Variants in ECHDC1 observed in about 807,000 individuals in gnomAD.
ECHDC1 encodes ethylmalonyl-CoA decarboxylase 1, also known as ethylmalonyl-CoA decarboxylase.
ECHDC1 carries 29 observed loss-of-function variants against 29.7 expected under a neutral mutation model. The observed-to-expected ratio is 0.98, with a 90% confidence interval of 0.73 to 1.33. ECHDC1 has a LOEUF of 1.33. Ranked by LOEUF, ECHDC1 falls within the 40% of genes most tolerant of loss-of-function variation. The pLI, the probability that ECHDC1 is intolerant of heterozygous loss-of-function variation, is 0.00. For missense variants in ECHDC1, 328 were observed against 350.0 expected (o/e 0.94, Z 0.50); for synonymous variants, 126 against 123.1 (o/e 1.02, Z -0.15).
intron 5 of ECHDC1, among the ~76,000 whole-genome samples, chr6:127,310,276 G>A (rs902575246): frequency 2.0e-5 from 3 of 152,054 alleles, no homozygotes; most frequent in African/African-American, 4.8e-5. Flanking sequence ...GTAAATGCTT[G>A]AGGGGATGGA....
At chr6:127,327,445 G>A (rs1783453054) in intron 2 of ECHDC1, among the ~76,000 whole-genome samples, 1 of 152,064 alleles carries the variant, frequency 6.6e-6, no homozygotes, top group African/African-American at 2.4e-5. Context: ...CTAAGAATAA[G>A]AAAACGATAT....
chr6:127,309,454 GAAAAAA>G lies in ECHDC1; in HGVS notation c.497+5356_497+5361del, dbSNP rs1781702515. Among the ~76,000 whole-genome samples the G allele has an allele frequency of 4.1e-5, 3 of 73,530 alleles. No individual in the cohort carries two copies. In the South Asian group the frequency reaches 1.2e-3, roughly 29 times the overall value. The allele number at this position is 73,530 out of a possible 152,430, so 48.2% of individuals were successfully genotyped here. A position where few individuals can be genotyped will look rare whatever the true frequency, so the allele number is the denominator to read the frequency against. The stretch of plus-strand genomic sequence containing the variant: ...AAAATCAAATCAAAATAAAGAAAAA[GAAAAAA>G]CCCAGAAAACAAACAACAAAACACA... On this transcript the variant is annotated intron_variant, in intron 5 of 5. Coordinates refer to ENST00000454859, the MANE Select transcript of ECHDC1 (RefSeq NM_001002030.2).
intron 1 of ECHDC1, among the ~76,000 whole-genome samples, chr6:127,338,165 G>A (rs531473223): frequency 6.6e-6 from 1 of 152,174 alleles, no homozygotes; most frequent in South Asian, 2.1e-4. Context: ...CATATGTTAA[G>A]AGCATTTGGT....
At chr6:127,310,976 T>C (rs1489933486) in intron 5 of ECHDC1, among the ~76,000 whole-genome samples, 1 of 152,202 alleles carries the variant, frequency 6.6e-6, no homozygotes, top group Admixed American at 6.5e-5. Context: ...ATAAATTACC[T>C]TTTAATTAAG....
chr6:127,320,346 A>G (rs1297548797), intron 3 of ECHDC1, among the ~76,000 whole-genome samples: 1 of 152,172 alleles, frequency 6.6e-6, no homozygotes, highest in African/African-American at 2.4e-5. Context: ...AGGGTATGGT[A>G]CAATAGTAGT....
rs140639482 is a variant in ECHDC1, at chr6:127,323,487, C to T, written c.363+3515G>A. Among the ~76,000 whole-genome samples the T allele has an allele frequency of 7.5e-3, 1,136 of 152,180 alleles. 18 individuals carry two copies. The highest frequency in any genetic ancestry group is 0.055 in the South Asian group (266 of 4,826). On this transcript the variant is annotated intron_variant, in intron 3 of 5. Coordinates refer to ENST00000454859, the MANE Select transcript of ECHDC1 (RefSeq NM_001002030.2). ...AAATAATAGCTACCTTTTTCAGATACGGTGCTAGTAGGCACTTTATATATA... is the reference window on the plus strand; with the variant it reads ...AAATAATAGCTACCTTTTTCAGATATGGTGCTAGTAGGCACTTTATATATA...
At chr6:127,342,638 C>T in intron 1 of ECHDC1, 1 of 412,802 alleles carries the variant, frequency 2.4e-6, no homozygotes, top group Non-Finnish European at 4.4e-6. Context: ...ACCTCTAGCA[C>T]CTAGAGCAAC....
intron 3 of ECHDC1, among the ~76,000 whole-genome samples, chr6:127,320,858 C>T (rs1157265865): frequency 6.6e-6 from 1 of 151,410 alleles, no homozygotes; most frequent in East Asian, 1.9e-4. Flanking sequence ...CAAAGCATAC[C>T]AAGACGCGAT....
chr6:127,334,282 T>C (rs9372866), intron 1 of ECHDC1, among the ~76,000 whole-genome samples: 21,585 of 152,062 alleles, frequency 0.14, 2,988 homozygotes, highest in East Asian at 0.57. Flanking sequence ...CTATTCATTG[T>C]ATCATCAACC....
intron 5 of ECHDC1, chr6:127,313,549 AC>A (rs1392575153): frequency 1.5e-5 from 7 of 455,496 alleles, no homozygotes; most frequent in Non-Finnish European, 3.1e-5. Flanking sequence ...TATGTAGAGC[AC>A]TACATGCCAG....
chr6:127,290,592 A>G (rs1780080186), intron 5 of ECHDC1, among the ~76,000 whole-genome samples: 1 of 152,096 alleles, frequency 6.6e-6, no homozygotes, highest in South Asian at 2.1e-4. Flanking sequence ...AAGTGAAAGT[A>G]TGGGAGTAGG....
At position 127,297,887 on chromosome 6, in the gene ECHDC1, C is replaced by A. The variant is rs574162488; in HGVS notation, c.498-7610G>T. Among the ~76,000 whole-genome samples, 3 of 152,330 alleles carry A rather than the reference C, an allele frequency of 2.0e-5. No individual in the cohort carries two copies. In the South Asian group the frequency reaches 6.2e-4, roughly 32 times the overall value. ...CACTACAAAGAGCTTTCTTCTTTCA[C>A]TTATTAAACTTTGACTCCAACCTCC... On this transcript the variant is annotated intron_variant, in intron 5 of 5. Coordinates refer to ENST00000454859, the MANE Select transcript of ECHDC1 (RefSeq NM_001002030.2).
chr6:127,300,458 A>G (rs1395484123), intron 5 of ECHDC1, among the ~76,000 whole-genome samples: 1 of 152,204 alleles, frequency 6.6e-6, no homozygotes, highest in Non-Finnish European at 1.5e-5. Flanking sequence ...AGTGGACCCA[A>G]TCTAATCATG....
chr6:127,322,932 T>A (rs1582984025), intron 3 of ECHDC1, among the ~76,000 whole-genome samples: 2 of 152,222 alleles, frequency 1.3e-5, no homozygotes, highest in African/African-American at 4.8e-5. Flanking sequence ...GAAAAATACA[T>A]ATATATAGGT....
At chr6:127,327,228 C>G (rs1399520522) in intron 2 of ECHDC1, 84 bp from the exon 3 acceptor site, 2 of 1,459,742 alleles carry the variant, frequency 1.4e-6, no homozygotes, top group Non-Finnish European at 1.9e-6. Context: ...AAGTGTCAAG[C>G]ATACTCTTAG....
At chr6:127,304,498 A>G (rs1358087793) in intron 5 of ECHDC1, among the ~76,000 whole-genome samples, 1 of 152,204 alleles carries the variant, frequency 6.6e-6, no homozygotes, top group African/African-American at 2.4e-5. Flanking sequence ...ATACCAAAGA[A>G]CATCTACAAG....
At chr6:127,332,744 C>T (rs1784074545) in intron 1 of ECHDC1, among the ~76,000 whole-genome samples, 1 of 152,134 alleles carries the variant, frequency 6.6e-6, no homozygotes, top group African/African-American at 2.4e-5. Flanking sequence ...AGGAAGTAAT[C>T]AGATGTGCAT....
chr6:127,336,917 T>C (rs1375653348), intron 1 of ECHDC1, among the ~76,000 whole-genome samples: 2 of 152,182 alleles, frequency 1.3e-5, no homozygotes, highest in Admixed American at 1.3e-4. Context: ...TTTCAGACTT[T>C]ATTGAGAAAT....
intron 5 of ECHDC1, among the ~76,000 whole-genome samples, chr6:127,295,607 G>C (rs933052660): frequency 2.6e-5 from 4 of 152,140 alleles, no homozygotes; most frequent in African/African-American, 9.7e-5. Context: ...TATCTTAAAA[G>C]ATTATACTCA....
Sources: gnomAD v4.1 joint callset for allele counts (sites outside exome capture counted in the v4.1 genomes callset) on GRCh38, gnomAD v4.1.1 for gene constraint, MANE v1.5 for transcripts, NCBI Gene and HGNC (gene_info 2026-07-23, HGNC 2026-07-21) for gene names.